Variants in PPIE observed in about 807,000 individuals in gnomAD.
The protein encoded by PPIE is peptidylprolyl isomerase E, also known as peptidyl-prolyl cis-trans isomerase E.
In PPIE, 20 loss-of-function variants were observed where a neutral mutation model predicts 38.4. The ratio of observed to expected loss-of-function variants is 0.52; its 90% CI spans 0.37 to 0.76. The LOEUF (loss-of-function observed/expected upper bound fraction) is 0.76, where lower values mean the gene tolerates loss of function less well. Ranked by LOEUF, PPIE falls within the 30% of genes least tolerant of loss-of-function variation. The probability of loss-of-function intolerance (pLI) is 0.00; values close to 1 mark genes in which losing one functional copy is unlikely to be tolerated. For missense variants in PPIE, 322 were observed against 385.8 expected, an observed-to-expected ratio of 0.83 and a Z score of 1.39; for synonymous variants, 142 against 135.7, an observed-to-expected ratio of 1.05 and a Z score of -0.32.
In PPIE at chr1:39,754,221, C is replaced by T. The variant is rs930494216; in HGVS notation, c.*866C>T. On this transcript the variant is annotated 3_prime_UTR_variant, in exon 10 of 10. Coordinates refer to ENST00000324379, the MANE Select transcript of PPIE (RefSeq NM_006112.4). ...GTTTCTTACTGCAGTGGCAGAGGTG[C>T]GTAAGGGGCTATAGACACAATACAG... The T allele has an allele frequency of 2.0e-5, 7 of 353,332 alleles. No individual in the cohort carries two copies. Among genetic ancestry groups the T allele is most frequent in the African/African-American group, 4.4e-5 (2 of 45,156 alleles). The allele number at this position is 353,332 out of a possible 1,614,324, so 21.9% of individuals were successfully genotyped here.
chr1:39,749,176 C>A, intron 8 of PPIE, 88 bp downstream of exon 8: 1 of 1,373,388 alleles, frequency 7.3e-7, no homozygotes, highest in Non-Finnish European at 1.0e-6. Flanking sequence ...GTAGTTCTGG[C>A]TGGCGGACAC....
chr1:39,750,150 A>G (rs1366982181), intron 8 of PPIE, among the ~76,000 whole-genome samples: 1 of 151,760 alleles, frequency 6.6e-6, no homozygotes, highest in Non-Finnish European at 1.5e-5. Context: ...AAAAAAACAA[A>G]CTTCATCCTT....
chr1:39,756,363 C>T lies in PPIE; in HGVS notation c.*3008C>T, dbSNP rs1648271711. On this transcript the variant is annotated 3_prime_UTR_variant, in exon 10 of 10. Transcript: ENST00000324379. Reference sequence around the variant, plus strand: ...GGCTTCCTTTTGCTGATTCATTTCCCCCCTAACTCATTCAGAGTTGAGCCC... The same window carrying T: ...GGCTTCCTTTTGCTGATTCATTTCCTCCCTAACTCATTCAGAGTTGAGCCC... 3.0e-6 allele frequency: 3 copies of T among 985,316 alleles called. No homozygotes were observed. The highest frequency in any genetic ancestry group is 3.6e-6 in the Non-Finnish European group (3 of 829,938). The allele number at this position is 985,316 out of a possible 1,614,324, so 61.0% of individuals were successfully genotyped here.
chr1:39,760,512 C>T (rs1648798741), downstream of PPIE: 2 of 1,614,022 alleles, frequency 1.2e-6, no homozygotes, highest in Non-Finnish European at 1.7e-6. Context: ...AGGTGGCGCT[C>T]AGCTTGGTGG....
In PPIE at chr1:39,755,106, T is replaced by A. The variant is rs1161637255; in HGVS notation, c.*1751T>A. 5 of 985,280 alleles carry A rather than the reference T, an allele frequency of 5.1e-6. No individual in the cohort carries two copies. The highest frequency in any genetic ancestry group is 6.0e-6 in the Non-Finnish European group (5 of 829,940). 61.0% of individuals were successfully genotyped at this position (985,280 alleles called of 1,614,324 possible). A position where few individuals can be genotyped will look rare whatever the true frequency, so the allele number is the denominator to read the frequency against. ...CTTCTTGGAGCTGGCTTCTCTCCAC[T>A]CCCCCTCCAGATGCTGGTCAGCCAG... On this transcript the variant is annotated 3_prime_UTR_variant, in exon 10 of 10. Transcript: ENST00000324379.
chr1:39,757,026 A>G (rs573822298), downstream of PPIE, among the ~76,000 whole-genome samples: 12 of 152,282 alleles, frequency 7.9e-5, no homozygotes, highest in African/African-American at 2.9e-4. Context: ...ATGGGATCCC[A>G]TTGTCTGGGA....
intron 9 of PPIE, among the ~76,000 whole-genome samples, chr1:39,763,434 C>G (rs866887961): frequency 6.9e-6 from 1 of 145,494 alleles, no homozygotes; most frequent in Non-Finnish European, 1.5e-5. Context: ...GAGCTGCAGT[C>G]GTAGCCAATG....
intron 4 of PPIE, chr1:39,742,556 AG>A (rs1205959795): frequency 6.7e-6 from 1 of 148,180 alleles, no homozygotes; most frequent in Admixed American, 6.7e-5. Flanking sequence ...CAGCTTCTCA[AG>A]TAGCTGGAAT....
intron 7 of PPIE, chr1:39,747,093 CATA>C (rs1457203991): frequency 6.6e-6 from 1 of 150,394 alleles, no homozygotes; most frequent in Admixed American, 6.6e-5. Flanking sequence ...TTTTGCATAG[CATA>C]ATGCTTTCAA....
intron 3 of PPIE, 175 bp downstream of exon 3, chr1:39,741,584 G>T: frequency 4.3e-6 from 3 of 704,342 alleles, no homozygotes. Flanking sequence ...ACTGGACTGT[G>T]AATAACATGT....
chr1:39,752,946 A>G lies in PPIE; in HGVS notation c.731A>G (p.Asn244Ser), dbSNP rs1557456895. 6.8e-6 allele frequency: 11 copies of G among 1,614,106 alleles called. No homozygotes were observed. Among genetic ancestry groups the G allele is most frequent in the Middle Eastern group, 1.6e-4 (1 of 6,062 alleles). Residue 244 changes from asparagine to serine, a missense_variant, in exon 9 of 10, where the codon AAT (asparagine) becomes AGT (serine). Physicochemically the swap from Asn to Ser is conservative, Grantham distance 46. Transcript: ENST00000324379. ...ATGGCCAACTCTGGCCCAAACACCA[A>G]TGGCTCTCAGTTCTTCCTGACATGT... Reference protein sequence around the residue: ...LSMANSGPNTNGSQFFLTCDK... With the variant: ...LSMANSGPNTSGSQFFLTCDK...
In PPIE at chr1:39,762,560, A is replaced by C. The variant is rs1461882190; in HGVS notation, c.838-1129A>C. 4 of 1,550,448 alleles carry C rather than the reference A, an allele frequency of 2.6e-6. No individual in the cohort carries two copies. The Admixed American group carries it at 5.9e-5, about 23-fold the overall frequency. ...GCATCAAAAGCCAGGGGATCCAGAA[A>C]AAACAAAGATGGCCAAGAGAGAAAC... On this transcript the variant is annotated intron_variant, in intron 9 of 9. Transcript: ENST00000356511.
At chr1:39,745,931 TAAAG>T (rs1647191757) in intron 7 of PPIE, 1 of 156,692 alleles carries the variant, frequency 6.4e-6, no homozygotes, top group South Asian at 1.8e-4. Context: ...TCTAGACATA[TAAAG>T]AGTCAATTCA....
intron 4 of PPIE, chr1:39,742,488 T>C (rs889619632): frequency 7.8e-6 from 1 of 128,676 alleles, no homozygotes; most frequent in African/African-American, 2.8e-5. Flanking sequence ...TTTTCTTTCT[T>C]TCTTTTTTTT....
intron 1 of PPIE, chr1:39,739,334 G>A: frequency 5.3e-6 from 1 of 187,150 alleles, no homozygotes; most frequent in Non-Finnish European, 1.1e-5. Flanking sequence ...TGACTTCCTA[G>A]CCCGCTGAGC....
At chr1:39,757,604 CA>C (rs1408926949), downstream of PPIE, 2 of 152,294 alleles carry the variant, frequency 1.3e-5, no homozygotes, top group Admixed American at 6.5e-5. Context: ...CTCTTCCTGT[CA>C]ACTGTCATTG....
rs768302199 is a variant in PPIE at position 39,748,932 on chromosome 1, A to G, written c.538A>G (p.Lys180Glu). ...ENFRCLCTHEKGFGFKGSSFH... is the reference protein window; with the variant it reads ...ENFRCLCTHEEGFGFKGSSFH... ...TTTCCGCTGCCTGTGCACTCATGAA[A>G]AGGGCTTTGGCTTTAAGGGAAGCAG... Residue 180 changes from lysine to glutamate, a missense_variant, in exon 8 of 10, where the codon AAG becomes GAG. Transcript: ENST00000324379. The G allele has an allele frequency of 8.7e-6, 14 of 1,614,064 alleles. No homozygotes were observed. The highest frequency in any genetic ancestry group is 1.2e-5 in the Non-Finnish European group (14 of 1,179,992).
At chr1:39,740,074 C>G in intron 1 of PPIE, 91 bp from the exon 2 acceptor site, 1 of 928,080 alleles carries the variant, frequency 1.1e-6, no homozygotes, top group Non-Finnish European at 1.7e-6. Flanking sequence ...TGGAAGGGTC[C>G]TGTCCCCTGG....
chr1:39,762,612 C>T, intron 9 of PPIE: 2 of 1,549,586 alleles, frequency 1.3e-6, no homozygotes, highest in Non-Finnish European at 8.7e-7. Flanking sequence ...AGGTTGAGAG[C>T]CACACCATCT....
Sources: gnomAD v4.1 joint callset for allele counts (sites outside exome capture counted in the v4.1 genomes callset) on GRCh38, gnomAD v4.1.1 for gene constraint, MANE v1.5 for transcripts, NCBI Gene and HGNC (gene_info 2026-07-23, HGNC 2026-07-21) for gene names.